Variants in NAALADL2 observed in about 807,000 individuals in gnomAD.
The protein encoded by NAALADL2 is N-acetylated alpha-linked acidic dipeptidase like 2.
Under a neutral mutation model 87.2 loss-of-function variants are expected in NAALADL2, and 76 were observed. The observed-to-expected ratio is 0.87, with a 90% confidence interval of 0.72 to 1.05. NAALADL2 has a LOEUF of 1.05. Ranked by LOEUF, NAALADL2 falls within the 50% of genes least tolerant of loss-of-function variation. NAALADL2 has a pLI of 0.00. For synonymous variants in NAALADL2, 354 were observed against 331.0 expected, an observed-to-expected ratio of 1.07 and a Z score of -0.75; for missense variants, 1,089 against 945.8, an observed-to-expected ratio of 1.15 and a Z score of -1.99.
rs1238420746 is a variant in NAALADL2 at position 174,469,845 on chromosome 3, ATTG to A, written c.-184+28818_-184+28820del. ...TCAGTTCCTTTGGTATCTAAGACAC[ATTG>A]TTGTCTCATTTTGAATTTGAGGTTC... On this transcript the variant is annotated intron_variant, in intron 1 of 3. Coordinates refer to the NAALADL2 transcript ENST00000434257. 2.6e-5 allele frequency among the ~76,000 whole-genome samples: 4 copies of A among 152,064 alleles called. No individual in the cohort carries two copies. The South Asian group carries it at 6.2e-4, about 24-fold the overall frequency.
intron 2 of NAALADL2, among the ~76,000 whole-genome samples, chr3:175,153,746 C>T (rs16824288): frequency 0.035 from 5,276 of 152,124 alleles, 293 homozygotes; most frequent in African/African-American, 0.12. Flanking sequence ...AGGCAAACTC[C>T]TGGTGTCATT....
chr3:174,926,648 C>A (rs1192001906), intron 1 of NAALADL2, among the ~76,000 whole-genome samples: 6 of 152,070 alleles, frequency 3.9e-5, no homozygotes, highest in South Asian at 4.1e-4. Context: ...TACAGACAAG[C>A]AAATGCTGAG....
chr3:175,078,325 C>G (rs1394949854), intron 1 of NAALADL2, among the ~76,000 whole-genome samples: 1 of 152,098 alleles, frequency 6.6e-6, no homozygotes, highest in East Asian at 1.9e-4. Flanking sequence ...CTGCACACAG[C>G]CAAATGAAGG....
intron 11 of NAALADL2, among the ~76,000 whole-genome samples, chr3:175,677,877 T>A (rs931423561): frequency 1.3e-5 from 2 of 152,174 alleles, no homozygotes; most frequent in African/African-American, 4.8e-5. Flanking sequence ...AAAAATTTTC[T>A]GCTTGAATTA....
chr3:175,630,767 G>T (rs1274769301), intron 11 of NAALADL2, among the ~76,000 whole-genome samples: 1 of 151,400 alleles, frequency 6.6e-6, no homozygotes, highest in African/African-American at 2.4e-5. Context: ...ATAATAGTGT[G>T]ATATATAAAT....
At chr3:175,443,039 T>C (rs994117112) in intron 5 of NAALADL2, among the ~76,000 whole-genome samples, 1 of 152,212 alleles carries the variant, frequency 6.6e-6, no homozygotes, top group Non-Finnish European at 1.5e-5. Flanking sequence ...TGTAAGAAGA[T>C]AAAACTCTTC....
intron 2 of NAALADL2, among the ~76,000 whole-genome samples, chr3:174,564,923 A>G (rs2108519843): frequency 6.6e-6 from 1 of 152,100 alleles, no homozygotes; most frequent in African/African-American, 2.4e-5. Flanking sequence ...TTTTGGTATT[A>G]AAAATGTCAT....
chr3:175,223,094 C>CTGTGTG (rs71626203), intron 2 of NAALADL2, among the ~76,000 whole-genome samples: 6,905 of 147,518 alleles, frequency 0.047, 265 homozygotes, highest in Admixed American at 0.13. Context: ...CATAGTTACT[C>CTGTGTG]TGTGTGTGTG....
intron 11 of NAALADL2, among the ~76,000 whole-genome samples, chr3:175,654,066 C>A (rs1000858315): frequency 6.6e-6 from 1 of 152,176 alleles, no homozygotes; most frequent in Non-Finnish European, 1.5e-5. Context: ...AAAAGACTGA[C>A]CCCTGGATTT....
At chr3:175,131,929 T>C in intron 2 of NAALADL2, among the ~76,000 whole-genome samples, 1 of 105,804 alleles carries the variant, frequency 9.5e-6, no homozygotes. Context: ...GCTCCTCACT[T>C]CCCAGTAGGG....
intron 1 of NAALADL2, among the ~76,000 whole-genome samples, chr3:174,884,669 T>C (rs1729839872): frequency 6.6e-6 from 1 of 152,174 alleles, no homozygotes; most frequent in Non-Finnish European, 1.5e-5. Context: ...TTAGTGGGCC[T>C]GAATCCATCA....
intron 2 of NAALADL2, among the ~76,000 whole-genome samples, chr3:174,636,817 A>C (rs1264879116): frequency 6.6e-6 from 1 of 152,180 alleles, no homozygotes; most frequent in East Asian, 1.9e-4. Flanking sequence ...TCCTACTACT[A>C]GGTATTTATC....
intron 1 of NAALADL2, among the ~76,000 whole-genome samples, chr3:174,455,118 T>TA (rs1228616367): frequency 2.6e-5 from 4 of 151,696 alleles, no homozygotes; most frequent in African/African-American, 9.7e-5. Context: ...GCATACAAAC[T>TA]AAAAAATCCA....
chr3:174,820,710 A>G (rs1193025786), intron 3 of NAALADL2, among the ~76,000 whole-genome samples: 3 of 152,206 alleles, frequency 2.0e-5, no homozygotes, highest in Non-Finnish European at 4.4e-5. Context: ...ATAATTAAAG[A>G]AGAAATCTAA....
chr3:175,213,709 A>T (rs1164726833), intron 2 of NAALADL2, among the ~76,000 whole-genome samples: 1 of 152,194 alleles, frequency 6.6e-6, no homozygotes, highest in Admixed American at 6.6e-5. Flanking sequence ...TAACCATAGC[A>T]ACCCATTAAT....
intron 2 of NAALADL2, among the ~76,000 whole-genome samples, chr3:174,646,932 C>G (rs1424295060): frequency 6.6e-6 from 1 of 152,084 alleles, no homozygotes. Flanking sequence ...ATATTCTCTG[C>G]TTGCATTTCA....
chr3:175,441,716 A>G (rs1719799277), intron 5 of NAALADL2, among the ~76,000 whole-genome samples: 1 of 151,562 alleles, frequency 6.6e-6, no homozygotes, highest in Non-Finnish European at 1.5e-5. Flanking sequence ...CGAGGTGCAC[A>G]GGGTTGAGTT....
intron 1 of NAALADL2, among the ~76,000 whole-genome samples, chr3:174,907,452 A>T (rs970295577): frequency 2.0e-5 from 3 of 152,078 alleles, no homozygotes; most frequent in African/African-American, 4.8e-5. Context: ...GAACATTTTC[A>T]TGTATAAATT....
intron 5 of NAALADL2, among the ~76,000 whole-genome samples, chr3:175,397,927 A>G (rs1299816563): frequency 6.6e-6 from 1 of 152,112 alleles, no homozygotes; most frequent in Non-Finnish European, 1.5e-5. Flanking sequence ...AATCCCTGCC[A>G]TGTTATTAAC....
Sources: gnomAD v4.1 joint callset for allele counts (sites outside exome capture counted in the v4.1 genomes callset) on GRCh38, gnomAD v4.1.1 for gene constraint, MANE v1.5 for transcripts, NCBI Gene and HGNC (gene_info 2026-07-23, HGNC 2026-07-21) for gene names.